PARVB: variants seen among roughly 807,000 people sequenced by gnomAD.
PARVB encodes beta-parvin.
A neutral mutation model predicts 47.0 loss-of-function variants in PARVB; 46 were observed. That is an observed-to-expected ratio of 0.98 (90% confidence interval 0.77 to 1.25). The LOEUF is 1.25. PARVB is among the 50% of genes most tolerant of loss of function. The pLI, the probability that PARVB is intolerant of heterozygous loss-of-function variation, is 0.00. For missense variants in PARVB, 473 were observed against 471.6 expected, an observed-to-expected ratio of 1.00 and a Z score of -0.03; for synonymous variants, 196 against 196.3, an observed-to-expected ratio of 1.00 and a Z score of 0.01.
intron 4 of PARVB, among the ~76,000 whole-genome samples, chr22:44,127,626 G>A (rs545947681): frequency 1.3e-5 from 2 of 152,298 alleles, no homozygotes; most frequent in South Asian, 2.1e-4. Context: ...TTCTGGCAAA[G>A]GTCAGTCACA....
At chr22:44,094,887 G>A (rs1334777653) in intron 2 of PARVB, among the ~76,000 whole-genome samples, 1 of 151,686 alleles carries the variant, frequency 6.6e-6, no homozygotes, top group Non-Finnish European at 1.5e-5. Flanking sequence ...GGGCTTTGCG[G>A]TGCAGGAGCT....
intron 11 of PARVB, among the ~76,000 whole-genome samples, chr22:44,161,382 C>T (rs554817500): frequency 4.2e-4 from 63 of 150,388 alleles, no homozygotes; most frequent in African/African-American, 1.4e-3. Flanking sequence ...GGCACGATCT[C>T]GGCTCACTGC....
At chr22:44,091,021 G>A (rs557098655) in intron 1 of PARVB, among the ~76,000 whole-genome samples, 1 of 152,354 alleles carries the variant, frequency 6.6e-6, no homozygotes, top group African/African-American at 2.4e-5. Context: ...TGGGTGACCT[G>A]TGGGGGTTCT....
At chr22:44,120,656 G>A (rs1356479329) in intron 4 of PARVB, among the ~76,000 whole-genome samples, 2 of 152,030 alleles carry the variant, frequency 1.3e-5, no homozygotes, top group African/African-American at 4.8e-5. Context: ...CTTCTTTCCT[G>A]TTAAAAAAAC....
chr22:44,146,179 CGCACACA>C (rs2053664611), intron 8 of PARVB: 1 of 112,696 alleles, frequency 8.9e-6, no homozygotes, highest in Non-Finnish European at 2.0e-5. Context: ...ACGCTCACAC[CGCACACA>C]CGCACACCCG....
At chr22:44,099,091 T>G (rs899398916) in intron 2 of PARVB, among the ~76,000 whole-genome samples, 40 of 152,310 alleles carry the variant, frequency 2.6e-4, no homozygotes, top group African/African-American at 9.6e-4. Flanking sequence ...TTGTATGTCC[T>G]GGGGGTAACT....
chr22:44,009,876 C>T (rs1007229010), intron 2 of PARVB, among the ~76,000 whole-genome samples: 3 of 148,574 alleles, frequency 2.0e-5, no homozygotes, highest in African/African-American at 7.5e-5. Flanking sequence ...GGCGTGATCT[C>T]AGCTCACTGC....
intron 2 of PARVB, chr22:43,999,687 GA>G (rs1569041249): frequency 1.9e-6 from 3 of 1,596,672 alleles, no homozygotes; most frequent in East Asian, 2.2e-5. Context: ...AGTTTTGGGG[GA>G]AAAACTGTCA....
At chr22:44,006,913 C>G (rs2146847707) in intron 2 of PARVB, among the ~76,000 whole-genome samples, 1 of 152,346 alleles carries the variant, frequency 6.6e-6, no homozygotes, top group East Asian at 1.9e-4. Flanking sequence ...CCCTGTCATG[C>G]CCCGTGTGAG....
intron 2 of PARVB, among the ~76,000 whole-genome samples, chr22:44,002,827 A>C (rs1422358985): frequency 6.6e-6 from 1 of 152,098 alleles, no homozygotes; most frequent in Non-Finnish European, 1.5e-5. Context: ...AAGTGGGGCG[A>C]ATGGTAATCA....
chr22:44,014,445 A>G (rs1405477574), intron 2 of PARVB, among the ~76,000 whole-genome samples: 2 of 152,194 alleles, frequency 1.3e-5, no homozygotes, highest in African/African-American at 4.8e-5. Flanking sequence ...TCATTCTCCA[A>G]GTGTACAATG....
intron 1 of PARVB, among the ~76,000 whole-genome samples, chr22:44,072,194 C>T (rs568820582): frequency 6.6e-6 from 1 of 152,300 alleles, no homozygotes; most frequent in South Asian, 2.1e-4. Context: ...ATCTGTAGAA[C>T]CCTCCCTACC....
chr22:44,034,001 G>A (rs1026911926), intron 1 of PARVB, among the ~76,000 whole-genome samples: 5 of 151,920 alleles, frequency 3.3e-5, no homozygotes, highest in African/African-American at 1.2e-4. Flanking sequence ...GGAGAAAGGG[G>A]GAGGTCCGGG....
intron 2 of PARVB, among the ~76,000 whole-genome samples, chr22:44,009,124 C>G (rs192118005): frequency 5.3e-5 from 8 of 152,266 alleles, no homozygotes; most frequent in African/African-American, 1.7e-4. Flanking sequence ...GAAATTTTGA[C>G]TGTCTTAAGA....
rs368770279 is a variant in PARVB, at chr22:44,015,823, AAAAC to A, written c.211+16162_211+16165del. Among the ~76,000 whole-genome samples, 659 of 152,298 alleles carry A rather than the reference AAAAC, an allele frequency of 4.3e-3. 3 individuals are homozygous for A. Among genetic ancestry groups the A allele is most frequent in the African/African-American group, 0.015 (617 of 41,552 alleles). On this transcript the variant is annotated intron_variant, in intron 2 of 13. Coordinates refer to the PARVB transcript ENST00000406477. ...AACAAGAGCAAAACTCTGTCTCACA[AAAAC>A]AAACAAACAAAAAAAGATTAGGGTG...
intron 3 of PARVB, among the ~76,000 whole-genome samples, chr22:44,101,431 T>A (rs1250511387): frequency 2.1e-5 from 3 of 143,136 alleles, no homozygotes; most frequent in African/African-American, 8.1e-5. Flanking sequence ...AAATAAAAAA[T>A]AAAATATAAA....
At chr22:44,086,799 C>T (rs2052034592) in intron 1 of PARVB, 7 of 985,394 alleles carry the variant, frequency 7.1e-6, no homozygotes, top group Non-Finnish European at 8.4e-6. Flanking sequence ...ACAGCTTCTA[C>T]GAAGAAACCA....
At chr22:44,070,721 T>G (rs1443357516) in intron 1 of PARVB, among the ~76,000 whole-genome samples, 1 of 152,160 alleles carries the variant, frequency 6.6e-6, no homozygotes, top group African/African-American at 2.4e-5. Flanking sequence ...AAAAGGTGAT[T>G]GCGCACAGAG....
intron 3 of PARVB, chr22:44,107,346 G>A (rs2052590508): frequency 6.6e-6 from 1 of 152,244 alleles, no homozygotes; most frequent in South Asian, 2.1e-4. Context: ...AAAAGAGGGA[G>A]TGGCTATTCT....
Sources: gnomAD v4.1 joint callset for allele counts (sites outside exome capture counted in the v4.1 genomes callset) on GRCh38, gnomAD v4.1.1 for gene constraint, MANE v1.5 for transcripts, NCBI Gene and HGNC (gene_info 2026-07-23, HGNC 2026-07-21) for gene names.